Variants in PFKM observed in about 807,000 individuals in gnomAD.
PFKM encodes the protein ATP-dependent 6-phosphofructokinase, muscle type.
A neutral mutation model predicts 95.5 loss-of-function variants in PFKM; 58 were observed. The ratio of observed to expected loss-of-function variants is 0.61; its 90% CI spans 0.49 to 0.76. The LOEUF (loss-of-function observed/expected upper bound fraction) is 0.76. Ranked by LOEUF, PFKM falls within the 30% of genes least tolerant of loss-of-function variation. PFKM has a pLI of 0.00. For synonymous variants in PFKM, 336 were observed against 357.2 expected (o/e 0.94, Z 0.67); for missense variants, 678 against 1,005.4 (o/e 0.67, Z 4.40).
Position 48,135,611 on chromosome 12 carries a change from C to A in PFKM, c.936+228C>A, listed in dbSNP as rs55752728. Among the ~76,000 whole-genome samples the A allele has an allele frequency of 0.059, 9,037 of 152,200 alleles. 353 individuals are homozygous for A. The highest frequency in any genetic ancestry group is 0.093 in the Non-Finnish European group (6,310 of 68,002). On this transcript the variant is annotated intron_variant, in intron 10 of 22. Coordinates refer to ENST00000359794, the MANE Select transcript of PFKM (RefSeq NM_000289.6). ...CCTTCCTAATGGTGAGGAACAATAT[C>A]TTTTTGTTTTGTTTTGTTTCATATA... is the stretch of plus-strand genomic sequence containing the variant.
intron 17 of PFKM, 89 bp downstream of exon 17, chr12:48,142,155 T>A: frequency 5.6e-6 from 7 of 1,245,088 alleles, no homozygotes; most frequent in Non-Finnish European, 7.1e-6. Flanking sequence ...CTACTCTTTA[T>A]ATCAAGCAAA....
intron 2 of PFKM, among the ~76,000 whole-genome samples, chr12:48,126,653 G>A (rs2135781728): frequency 6.6e-6 from 1 of 152,244 alleles, no homozygotes; most frequent in South Asian, 2.1e-4. Context: ...AGTTTTTACA[G>A]GACCATTTAC....
upstream of PFKM, chr12:48,105,466 A>C (rs766541657): frequency 5.8e-6 from 3 of 519,076 alleles, no homozygotes; most frequent in Non-Finnish European, 1.2e-5. Flanking sequence ...CCTGAGCAGG[A>C]GGGTCCAGAC....
At chr12:48,123,436 C>G (rs1216841747) in intron 2 of PFKM, among the ~76,000 whole-genome samples, 1 of 152,006 alleles carries the variant, frequency 6.6e-6, no homozygotes, top group African/African-American at 2.4e-5. Flanking sequence ...ACAGAGCCAG[C>G]AAAAACCCTT....
chr12:48,144,978 C>T (rs1467802476), intron 20 of PFKM, 53 bp from the exon 21 acceptor site: 2 of 1,243,646 alleles, frequency 1.6e-6, no homozygotes, highest in Non-Finnish European at 2.4e-6. Flanking sequence ...CTAGATATCT[C>T]TGCCACTTCA....
chr12:48,122,607 T>C (rs991592025), intron 1 of PFKM, 160 bp from the exon 2 acceptor site: 2 of 1,477,976 alleles, frequency 1.4e-6, no homozygotes, highest in Admixed American at 4.4e-5. Context: ...GGTGTGGCTT[T>C]CCTCTGGAAG....
At chr12:48,134,318 G>A (rs371626531) in intron 7 of PFKM, 42 bp downstream of exon 7, 67 of 1,549,510 alleles carry the variant, frequency 4.3e-5, no homozygotes, top group Middle Eastern at 1.7e-4. Flanking sequence ...TGGACCTAGC[G>A]ATAGCCCTTT....
At chr12:48,113,721 A>C (rs551898103) in intron 3 of PFKM, among the ~76,000 whole-genome samples, 3 of 152,336 alleles carry the variant, frequency 2.0e-5, no homozygotes, top group Non-Finnish European at 2.9e-5. Context: ...ATTGCAACTC[A>C]GAAATACGTT....
Position 48,136,486 on chromosome 12 carries a change from A to G in PFKM, c.936+1103A>G, listed in dbSNP as rs141985416. Reference sequence around the variant, plus strand: ...ATAAAGCGACTATGAACATTTGTGTACAGCTTTTTGTGTGAACTTAAATTT... The same window carrying G: ...ATAAAGCGACTATGAACATTTGTGTGCAGCTTTTTGTGTGAACTTAAATTT... On this transcript the variant is annotated intron_variant, in intron 10 of 22. Transcript: ENST00000359794. Among the ~76,000 whole-genome samples, 58 of 152,300 alleles carry G rather than the reference A, an allele frequency of 3.8e-4. No individual in the cohort carries two copies. The East Asian group carries it at 0.01, about 27-fold the overall frequency.
chr12:48,119,138 AC>A (rs1219350547), upstream of PFKM: 1 of 181,864 alleles, frequency 5.5e-6, no homozygotes, highest in African/African-American at 2.4e-5. Flanking sequence ...AGATATGAGG[AC>A]CCCAGGACTC....
chr12:48,124,342 C>T (rs908675916), intron 2 of PFKM, among the ~76,000 whole-genome samples: 4 of 152,090 alleles, frequency 2.6e-5, no homozygotes, highest in Non-Finnish European at 5.9e-5. Context: ...GAGTACCATG[C>T]CAATACTGAA....
chr12:48,136,803 G>C (rs747280150), intron 10 of PFKM, among the ~76,000 whole-genome samples: 2 of 150,532 alleles, frequency 1.3e-5, no homozygotes. Context: ...GCCCAGGCTG[G>C]AGTGCAGTGG....
At chr12:48,105,922 C>G, upstream of PFKM, 1 of 662,524 alleles carries the variant, frequency 1.5e-6, no homozygotes, top group South Asian at 1.6e-5. Flanking sequence ...CAGTGCTCCC[C>G]GCTTCCGCCC....
upstream of PFKM, among the ~76,000 whole-genome samples, chr12:48,114,401 T>G (rs868400515): frequency 3.3e-5 from 5 of 152,160 alleles, no homozygotes; most frequent in African/African-American, 1.2e-4. Context: ...TAAGAGGAAA[T>G]TTTTGGGCAG....
intron 13 of PFKM, among the ~76,000 whole-genome samples, chr12:48,140,316 A>G (rs569849310): frequency 1.4e-4 from 21 of 152,204 alleles, no homozygotes; most frequent in Non-Finnish European, 1.6e-4. Flanking sequence ...CTTATTAAAC[A>G]TGCAAACTCC....
In PFKM at chr12:48,145,837, G is replaced by A. The variant is rs1262036560; in HGVS notation, c.*129G>A. ...CTTTTATTCTGTACCTTGCAGCCAT[G>A]ACCAGTTCTGGCCAGGAGCTGGAGG... is the stretch of plus-strand genomic sequence containing the variant. On this transcript the variant is annotated 3_prime_UTR_variant, in exon 23 of 23. Transcript: ENST00000359794. The surrounding 1 kb of genome is among the most constrained non-coding windows in gnomAD (Gnocchi z 4.3). The A allele has an allele frequency of 3.8e-6, 4 of 1,038,988 alleles. No individual in the cohort carries two copies. In the African/African-American group the frequency reaches 4.7e-5, roughly 12 times the overall value. 64.4% of individuals were successfully genotyped at this position (1,038,988 alleles called of 1,614,324 possible).
At chr12:48,128,010 C>T (rs1469645037) in intron 2 of PFKM, among the ~76,000 whole-genome samples, 1 of 152,228 alleles carries the variant, frequency 6.6e-6, no homozygotes, top group African/African-American at 2.4e-5. Context: ...CTTCATCTCT[C>T]ACCATTTCCT....
intron 20 of PFKM, 132 bp downstream of exon 20, chr12:48,144,289 A>G: frequency 1.4e-6 from 1 of 725,436 alleles, no homozygotes. Context: ...GCCATCATAG[A>G]GCATGGGCCT....
At chr12:48,118,231 G>T (rs141386562), upstream of PFKM, among the ~76,000 whole-genome samples, 73 of 152,246 alleles carry the variant, frequency 4.8e-4, no homozygotes, top group East Asian at 0.012. Context: ...GAGAGGAGGG[G>T]TCTATTCAGA....
Sources: gnomAD v4.1 joint callset for allele counts (sites outside exome capture counted in the v4.1 genomes callset) on GRCh38, gnomAD v4.1.1 for gene constraint, Gnocchi (gnomAD v3.1) non-coding constraint, MANE v1.5 for transcripts, NCBI Gene and HGNC (gene_info 2026-07-23, HGNC 2026-07-21) for gene names.